PKP3: variants seen among roughly 807,000 people sequenced by gnomAD.
PKP3 encodes the protein plakophilin 3, also known as plakophilin-3.
In PKP3, 66 loss-of-function variants were observed where a neutral mutation model predicts 76.5. The observed-to-expected ratio is 0.86, with a 90% CI of 0.71 to 1.06. The LOEUF is 1.06. PKP3 is among the 50% of genes least tolerant of loss of function. The pLI, the probability that PKP3 is intolerant of heterozygous loss-of-function variation, is 0.00. For missense variants in PKP3, 1,338 were observed against 1,141.0 expected (o/e 1.17, Z -2.49); for synonymous variants, 638 against 516.5 (o/e 1.24, Z -3.19).
rs774699533 is a variant in PKP3, at chr11:396,982, C to T, written c.481C>T (p.Pro161Ser). ...AQPTPPMPTR[P>S]VSFHERGGVG... Reference sequence around the variant, plus strand: ...GCCCACCCCTCCCATGCCCACCAGGCCCGTGTCCTTCCATGAGCGCGGTGG... The same window carrying T: ...GCCCACCCCTCCCATGCCCACCAGGTCCGTGTCCTTCCATGAGCGCGGTGG... Residue 161 changes from proline (P) to serine (S), a missense_variant, in exon 3 of 13, where the codon CCC (proline) becomes TCC (serine). Transcript: ENST00000331563. 1.3e-6 allele frequency: 2 copies of T among 1,599,512 alleles called. No homozygotes were observed. The highest frequency in any genetic ancestry group is 1.7e-5 in the Admixed American group (1 of 59,870).
chr11:404,763 G>A lies in PKP3; in HGVS notation c.*194G>A, dbSNP rs561808209. Reference sequence around the variant, plus strand: ...TCTTATAGCTGGGGACTTGGCTTCCGCAGGGCAGGGGGTGGGGCAGGGCTC... The same window carrying A: ...TCTTATAGCTGGGGACTTGGCTTCCACAGGGCAGGGGGTGGGGCAGGGCTC... On this transcript the variant is annotated 3_prime_UTR_variant, in exon 13 of 13. Transcript: ENST00000331563. This position sits in a 1 kb window ranked among gnomAD's most constrained non-coding sequence, Gnocchi z 4.2. The A allele has an allele frequency of 9.0e-5, 54 of 599,170 alleles. No homozygotes were observed. Among genetic ancestry groups the A allele is most frequent in the Middle Eastern group, 4.4e-4 (1 of 2,264 alleles). 37.1% of individuals were successfully genotyped at this position (599,170 alleles called of 1,614,324 possible). A position where few individuals can be genotyped will look rare whatever the true frequency, so the allele number is the denominator to read the frequency against.
At chr11:393,313 T>G (rs1273308900), upstream of PKP3, 4 of 152,034 alleles carry the variant, frequency 2.6e-5, no homozygotes, top group African/African-American at 9.7e-5. Context: ...GACCCCTGGT[T>G]CTTCCCTGCA....
At position 394,453 on chromosome 11, in the gene PKP3, T is replaced by C; in HGVS notation, c.161T>C (p.Leu54Pro). ...ARVQEQVRAR[L>P]LQLGQQPRHN... ...GTCCAGGAGCAGGTCCGCGCCCGCC[T>C]CTTGCAGCTGGGACAGCAGCCGCGG... Residue 54 changes from leucine (L) to proline (P), a missense_variant, in exon 1 of 13, where the codon CTC (leucine) becomes CCC (proline). Physicochemically the swap from Leu to Pro is moderately conservative, Grantham distance 98 (BLOSUM62 -3). Transcript: ENST00000331563. 1 of 1,449,690 alleles carries C rather than the reference T, an allele frequency of 6.9e-7. No homozygotes were observed. The highest frequency in any genetic ancestry group is 1.4e-5 in the South Asian group (1 of 73,766). The allele number at this position is 1,449,690 out of a possible 1,614,324, so 89.8% of individuals were successfully genotyped here.
At position 403,930 on chromosome 11, in the gene PKP3, C is replaced by A. The variant is rs200026700; in HGVS notation, c.2078-13C>A. 2 of 1,584,164 alleles carry A rather than the reference C, an allele frequency of 1.3e-6. No individual in the cohort carries two copies. The highest frequency in any genetic ancestry group is 1.1e-5 in the South Asian group (1 of 86,992). On this transcript the variant is annotated splice_polypyrimidine_tract_variant and intron_variant, in intron 10 of 12. Coordinates refer to ENST00000331563, the MANE Select transcript of PKP3 (RefSeq NM_007183.4). ...AGGAGTAGGGGTGCAGACTGACCCC[C>A]GGCCTCCCACAGCCACGAAGGTGGT...
At chr11:403,855 C>A (rs935076852) in intron 10 of PKP3, 84 bp downstream of exon 10, 30 of 1,572,810 alleles carry the variant, frequency 1.9e-5, no homozygotes, top group Non-Finnish European at 2.5e-5. Flanking sequence ...ACCACTGGGG[C>A]CAGTCCAGCT....
rs1379697722 is a variant in PKP3 at position 397,245 on chromosome 11, G to T, written c.744G>T (p.Val248=). The change falls in exon 3 of 13, where the codon GTG becomes GTT. Residue 248 remains valine, a synonymous_variant. Transcript: ENST00000331563. ...GCCGGACCATCCGTGCCCCTGCCGT[G>T]CGGACCCTGCAGCGATTCCAGAGCA... ...SPSRTIRAPA[V]RTLQRFQSSH... 1.9e-6 allele frequency: 3 copies of T among 1,599,780 alleles called. No individual in the cohort carries two copies. The highest frequency in any genetic ancestry group is 2.5e-6 in the Non-Finnish European group (3 of 1,178,494).
chr11:394,340 C>T lies in PKP3; in HGVS notation c.48C>T (p.Gly16=), dbSNP rs561825128. 30 of 1,514,150 alleles carry T rather than the reference C, an allele frequency of 2.0e-5. No homozygotes were observed. The highest frequency in any genetic ancestry group is 1.4e-4 in the African/African-American group (10 of 69,734). 93.8% of individuals were successfully genotyped at this position (1,514,150 alleles called of 1,614,324 possible). Residue 16 remains glycine, a synonymous_variant, in exon 1 of 13, where the codon GGC becomes GGT. Transcript: ENST00000331563. ...FLLSALQPEA[G]VCSLALPSDL... ...TGTCGGCCCTGCAGCCTGAGGCCGG[C>T]GTGTGCTCCCTGGCGCTGCCCTCTG... is the stretch of plus-strand genomic sequence containing the variant.
In PKP3 at chr11:397,456, G is replaced by A. The variant is rs1375640493; in HGVS notation, c.944+11G>A. The stretch of plus-strand genomic sequence containing the variant: ...GAGACTCAGCAGCGGGTGAGCGGCT[G>A]GGCCCGGCTCAGGGAGGGGGCTTCT... On this transcript the variant is annotated intron_variant, in intron 3 of 12. Coordinates refer to ENST00000331563, the MANE Select transcript of PKP3 (RefSeq NM_007183.4). 6.2e-7 allele frequency: 1 copy of A among 1,611,968 alleles called. No individual in the cohort carries two copies. The highest frequency in any genetic ancestry group is 8.5e-7 in the Non-Finnish European group (1 of 1,179,628).
intron 6 of PKP3, 89 bp from the exon 7 acceptor site, chr11:400,245 G>C: frequency 2.1e-6 from 3 of 1,413,030 alleles, no homozygotes; most frequent in Non-Finnish European, 2.9e-6. Flanking sequence ...GCCTCGCGCT[G>C]GGGATGGGCG....
intron 5 of PKP3, 29 bp from the exon 6 acceptor site, chr11:399,938 C>T (rs367978771): frequency 1.5e-4 from 239 of 1,561,636 alleles, no homozygotes; most frequent in Middle Eastern, 2.3e-4. Flanking sequence ...GGAGGGCAGA[C>T]GCTGATAGCA....
rs1371408372 is a variant in PKP3, at chr11:395,200, G to A, written c.232+676G>A. On this transcript the variant is annotated intron_variant, in intron 1 of 12. Coordinates refer to ENST00000331563, the MANE Select transcript of PKP3 (RefSeq NM_007183.4). Reference sequence around the variant, plus strand: ...GACAGGAGCACAGACGCTGTGAGTTGAAGGCAGTGGTTCTAGGAACGCCAT... The same window carrying A: ...GACAGGAGCACAGACGCTGTGAGTTAAAGGCAGTGGTTCTAGGAACGCCAT... Among the ~76,000 whole-genome samples the A allele has an allele frequency of 2.0e-5, 3 of 152,198 alleles. No individual in the cohort carries two copies. In the South Asian group the frequency reaches 6.2e-4, roughly 31 times the overall value.
At chr11:403,904 C>T (rs1847205351) in intron 10 of PKP3, 39 bp from the exon 11 acceptor site, 2 of 1,570,222 alleles carry the variant, frequency 1.3e-6, no homozygotes, top group South Asian at 2.3e-5. Context: ...CCCAGGTGGC[C>T]AGGAGTAGGG....
chr11:393,475 G>A (rs1316376855), upstream of PKP3: 1 of 152,190 alleles, frequency 6.6e-6, no homozygotes, highest in Non-Finnish European at 1.5e-5. Context: ...AGTGGTGCCA[G>A]GGTCCCAGAA....
intron 9 of PKP3, 101 bp downstream of exon 9, chr11:403,364 G>A: frequency 1.9e-6 from 2 of 1,057,524 alleles, no homozygotes; most frequent in Non-Finnish European, 2.7e-6. Flanking sequence ...GGACGCCCAG[G>A]GTCCGCGGAG....
chr11:398,804 T>A (rs541123345), intron 4 of PKP3, among the ~76,000 whole-genome samples, 188 bp from the exon 5 acceptor site: 1,338 of 137,138 alleles, frequency 9.8e-3, no homozygotes, highest in Non-Finnish European at 0.015. Flanking sequence ...CGCACACACC[T>A]GCGTCACCTC....
In PKP3 at chr11:404,240, G is replaced by C. The variant is rs374362753; in HGVS notation, c.2275G>C (p.Asp759His). 1.2e-6 allele frequency: 2 copies of C among 1,612,504 alleles called. No individual in the cohort carries two copies. The highest frequency in any genetic ancestry group is 1.7e-6 in the Non-Finnish European group (2 of 1,179,768). The change falls in exon 12 of 13, where the codon GAC (aspartate) becomes CAC (histidine). Residue 759 changes from aspartate to histidine, a missense_variant. Coordinates refer to ENST00000331563, the MANE Select transcript of PKP3 (RefSeq NM_007183.4). This position sits in a 1 kb window ranked among gnomAD's most constrained non-coding sequence, Gnocchi z 4.2. ...CTGACTGCCCTCCACCCTCAGCCCC[G>C]ACAGTGAGAAGTCCTCCCGGGCAGC... ...IFIKKKRDSP[D>H]SEKSSRAASS...
intron 9 of PKP3, 47 bp downstream of exon 9, chr11:403,310 G>A (rs764972057): frequency 1.4e-6 from 2 of 1,395,970 alleles, no homozygotes; most frequent in Admixed American, 4.6e-5. Flanking sequence ...GGTTCATGCG[G>A]TTGAGGGGGG....
Position 404,589 on chromosome 11 carries a change from A to C in PKP3, c.*20A>C. ...CCATAGGTGAAGCCTTCTGGAGGAG[A>C]AGGTGACGTGGCCCAGCGTCCAAGG... On this transcript the variant is annotated 3_prime_UTR_variant, in exon 13 of 13. Transcript: ENST00000331563. This position sits in a 1 kb window ranked among gnomAD's most constrained non-coding sequence, Gnocchi z 4.2. 1 of 1,610,872 alleles carries C rather than the reference A, an allele frequency of 6.2e-7. No homozygotes were observed. The highest frequency in any genetic ancestry group is 8.5e-7 in the Non-Finnish European group (1 of 1,178,414).
rs779303272 is a variant in PKP3 at position 403,778 on chromosome 11, C to T, written c.2077+7C>T. The T allele has an allele frequency of 9.3e-6, 15 of 1,604,664 alleles. No homozygotes were observed. The highest frequency in any genetic ancestry group is 2.7e-5 in the African/African-American group (2 of 75,026). On this transcript the variant is annotated splice_region_variant and intron_variant, in intron 10 of 12. Coordinates refer to ENST00000331563, the MANE Select transcript of PKP3 (RefSeq NM_007183.4). ...AGGAACAAGGACGAGATGTGTGAGT[C>T]GGGCAGCCCCTCGTCCCTGCCCTGC...
Sources: allele counts gnomAD v4.1 joint callset (sites outside exome capture counted in the v4.1 genomes callset), GRCh38; gene constraint gnomAD v4.1.1; non-coding constraint Gnocchi (gnomAD v3.1); transcripts MANE v1.5; gene names NCBI Gene and HGNC (gene_info 2026-07-23, HGNC 2026-07-21).